Variants in CDH20 observed in about 807,000 individuals in gnomAD.
CDH20 encodes the protein cadherin-20.
Under a neutral mutation model 74.2 loss-of-function variants are expected in CDH20, and 29 were observed. That is an observed-to-expected ratio of 0.39 (90% CI 0.29 to 0.53). CDH20 has a LOEUF of 0.53. Ranked by LOEUF, CDH20 falls within the 20% of genes least tolerant of loss-of-function variation. The pLI is 0.69. For synonymous variants in CDH20, 469 were observed against 405.4 expected, an observed-to-expected ratio of 1.16 and a Z score of -1.88; for missense variants, 988 against 1,048.3, an observed-to-expected ratio of 0.94 and a Z score of 0.79.
intron 1 of CDH20, among the ~76,000 whole-genome samples, chr18:61,430,993 C>T (rs536444414): frequency 9.2e-5 from 14 of 152,212 alleles, no homozygotes; most frequent in East Asian, 1.9e-4. Context: ...ATCTCTCAAG[C>T]GACAGAGATA....
At chr18:61,345,320 G>T (rs949583124) in intron 1 of CDH20, among the ~76,000 whole-genome samples, 3 of 152,180 alleles carry the variant, frequency 2.0e-5, no homozygotes, top group Non-Finnish European at 4.4e-5. Context: ...GACTTAAAAA[G>T]CATCTTATGC....
chr18:61,436,375 A>G (rs1908836531), intron 1 of CDH20, among the ~76,000 whole-genome samples: 1 of 152,192 alleles, frequency 6.6e-6, no homozygotes, highest in African/African-American at 2.4e-5. Flanking sequence ...TCCCATCAGC[A>G]GTGCATGAGG....
chr18:61,447,225 T>G (rs1170013273), intron 1 of CDH20, among the ~76,000 whole-genome samples: 1 of 152,178 alleles, frequency 6.6e-6, no homozygotes, highest in Non-Finnish European at 1.5e-5. Flanking sequence ...TTATTGATGA[T>G]GAGATGCCTG....
rs140411234 is a variant in CDH20, at chr18:61,475,219, C to G, written c.-152-15183C>G. Among the ~76,000 whole-genome samples, 43 of 152,294 alleles carry G rather than the reference C, an allele frequency of 2.8e-4. No homozygotes were observed. In the East Asian group the frequency reaches 5.6e-3, roughly 20 times the overall value. On this transcript the variant is annotated intron_variant, in intron 1 of 11. Coordinates refer to ENST00000262717, the MANE Select transcript of CDH20 (RefSeq NM_031891.4). ...GAAGGAATGGAGAGGAAAGACAGAT[C>G]TGAGAAAGACTTACAAGGTAGAAAT...
At chr18:61,444,135 T>C (rs1909121419) in intron 1 of CDH20, among the ~76,000 whole-genome samples, 1 of 152,166 alleles carries the variant, frequency 6.6e-6, no homozygotes, top group Admixed American at 6.5e-5. Flanking sequence ...TGTATTTATT[T>C]ATTTATGGTC....
intron 3 of CDH20, among the ~76,000 whole-genome samples, chr18:61,499,938 C>T (rs1330246034): frequency 1.3e-5 from 2 of 151,526 alleles, no homozygotes; most frequent in Non-Finnish European, 2.9e-5. Flanking sequence ...CCTGTCTCTA[C>T]TAAAACACCA....
At chr18:61,474,402 T>C (rs556356015) in intron 1 of CDH20, among the ~76,000 whole-genome samples, 14 of 152,298 alleles carry the variant, frequency 9.2e-5, no homozygotes, top group African/African-American at 3.4e-4. Context: ...TTCAGACACT[T>C]AGATTTCATC....
intron 2 of CDH20, among the ~76,000 whole-genome samples, chr18:61,491,461 TA>T (rs1386145457): frequency 3.3e-5 from 5 of 152,022 alleles, no homozygotes; most frequent in Admixed American, 2.6e-4. Context: ...AATTAGAAAA[TA>T]ACTAATTCAT....
At chr18:61,515,289 T>A (rs1911953709) in intron 6 of CDH20, among the ~76,000 whole-genome samples, 1 of 152,218 alleles carries the variant, frequency 6.6e-6, no homozygotes, top group African/African-American at 2.4e-5. Context: ...ACCCCTTTCT[T>A]TGACTCGGAA....
intron 1 of CDH20, among the ~76,000 whole-genome samples, chr18:61,394,311 A>G (rs1327462797): frequency 1.3e-5 from 2 of 152,200 alleles, no homozygotes; most frequent in Non-Finnish European, 2.9e-5. Context: ...AAGACCTCAG[A>G]ACACAACTTT....
chr18:61,343,522 T>G (rs1049833255), intron 1 of CDH20, among the ~76,000 whole-genome samples: 6 of 152,140 alleles, frequency 3.9e-5, no homozygotes, highest in African/African-American at 1.4e-4. Context: ...AGATACCCAG[T>G]GTTTCCAGGG....
chr18:61,544,968 T>A, intron 9 of CDH20, 59 bp from the exon 10 acceptor site: 1 of 1,120,876 alleles, frequency 8.9e-7, no homozygotes, highest in East Asian at 2.3e-5. Context: ...GGGATTTAAC[T>A]GGGCCCTGGT....
At chr18:61,485,557 G>T (rs762427872) in intron 1 of CDH20, among the ~76,000 whole-genome samples, 8 of 152,088 alleles carry the variant, frequency 5.3e-5, no homozygotes, top group Non-Finnish European at 1.0e-4. Context: ...AGAAGAAACT[G>T]GGATGGATAG....
At chr18:61,476,353 C>A (rs1910384365) in intron 1 of CDH20, among the ~76,000 whole-genome samples, 1 of 152,114 alleles carries the variant, frequency 6.6e-6, no homozygotes, top group African/African-American at 2.4e-5. Flanking sequence ...CCCCCAGTGG[C>A]ACCAGACCCC....
intron 1 of CDH20, among the ~76,000 whole-genome samples, chr18:61,412,701 A>G (rs1912553497): frequency 6.6e-6 from 1 of 152,188 alleles, no homozygotes; most frequent in Non-Finnish European, 1.5e-5. Context: ...TAATCAAGCT[A>G]TTGCTTTAAA....
intron 8 of CDH20, among the ~76,000 whole-genome samples, chr18:61,536,877 C>A (rs747874215): frequency 1.3e-5 from 2 of 152,020 alleles, no homozygotes; most frequent in Non-Finnish European, 2.9e-5. Flanking sequence ...CATTCTTATC[C>A]CAAGGAGCTA....
chr18:61,369,651 C>G (rs1043828608), intron 1 of CDH20, among the ~76,000 whole-genome samples: 1 of 152,030 alleles, frequency 6.6e-6, no homozygotes, highest in Non-Finnish European at 1.5e-5. Flanking sequence ...ATAGGAAAGA[C>G]ATGGAATCAA....
intron 1 of CDH20, among the ~76,000 whole-genome samples, chr18:61,432,201 G>A (rs546729657): frequency 7.0e-6 from 1 of 143,290 alleles, no homozygotes; most frequent in East Asian, 2.1e-4. Context: ...CTGAGACCAT[G>A]CCATTGCACT....
At chr18:61,410,437 C>T (rs1274448957) in intron 1 of CDH20, among the ~76,000 whole-genome samples, 1 of 152,098 alleles carries the variant, frequency 6.6e-6, no homozygotes, top group Non-Finnish European at 1.5e-5. Context: ...TAAGTATTTG[C>T]ATATGCTTCT....
Sources: allele counts gnomAD v4.1 joint callset (sites outside exome capture counted in the v4.1 genomes callset), GRCh38; gene constraint gnomAD v4.1.1; transcripts MANE v1.5; gene names NCBI Gene and HGNC (gene_info 2026-07-23, HGNC 2026-07-21).